Variants in ONECUT1 observed in about 807,000 individuals in gnomAD.
ONECUT1 encodes one cut homeobox 1.
In ONECUT1, 12 loss-of-function variants were observed where a neutral mutation model predicts 25.6. That is an observed-to-expected ratio of 0.47 (90% CI 0.30 to 0.76). The LOEUF (loss-of-function observed/expected upper bound fraction) is 0.76, where lower values mean the gene tolerates loss of function less well. ONECUT1 is among the 30% of genes least tolerant of loss of function. The pLI, the probability that ONECUT1 is intolerant of heterozygous loss-of-function variation, is 0.07. For synonymous variants in ONECUT1, 285 were observed against 270.2 expected, an observed-to-expected ratio of 1.05 and a Z score of -0.54; for missense variants, 620 against 651.2, an observed-to-expected ratio of 0.95 and a Z score of 0.52.
intron 1 of ONECUT1, among the ~76,000 whole-genome samples, chr15:52,775,315 A>G (rs2083792892): frequency 6.6e-6 from 1 of 152,134 alleles, no homozygotes; most frequent in Admixed American, 6.5e-5. Flanking sequence ...CATTACTCAG[A>G]TAATTGCACT....
intron 1 of ONECUT1, among the ~76,000 whole-genome samples, chr15:52,763,874 G>T (rs1354443056): frequency 6.6e-6 from 1 of 152,160 alleles, no homozygotes; most frequent in African/African-American, 2.4e-5. Context: ...TCAAATGTGT[G>T]ATTATTTCTC....
intron 1 of ONECUT1, among the ~76,000 whole-genome samples, chr15:52,782,438 T>C (rs2083847343): frequency 6.6e-6 from 1 of 152,200 alleles, no homozygotes; most frequent in South Asian, 2.1e-4. Flanking sequence ...TGATAGAAGG[T>C]AGGAATTTAT....
chr15:52,764,792 C>G (rs369071674), intron 1 of ONECUT1, among the ~76,000 whole-genome samples: 2 of 152,184 alleles, frequency 1.3e-5, no homozygotes, highest in African/African-American at 4.8e-5. Context: ...GATGTAGATG[C>G]TGAAAACTGC....
chr15:52,762,899 A>G (rs561946926), intron 1 of ONECUT1, among the ~76,000 whole-genome samples: 1 of 152,298 alleles, frequency 6.6e-6, no homozygotes, highest in African/African-American at 2.4e-5. Context: ...AATTGATTTC[A>G]GAGTAGAGAT....
chr15:52,775,970 G>T (rs1027299382), intron 1 of ONECUT1, among the ~76,000 whole-genome samples: 1 of 152,158 alleles, frequency 6.6e-6, no homozygotes, highest in East Asian at 1.9e-4. Flanking sequence ...CTAACAGCAG[G>T]GATGGATTTG....
intron 1 of ONECUT1, among the ~76,000 whole-genome samples, chr15:52,766,291 C>G (rs1376611638): frequency 6.7e-6 from 1 of 150,138 alleles, no homozygotes; most frequent in African/African-American, 2.5e-5. Flanking sequence ...AGCTTGCCTG[C>G]GGGCTGGTTA....
intron 1 of ONECUT1, among the ~76,000 whole-genome samples, chr15:52,778,557 G>T (rs1470946347): frequency 3.3e-5 from 5 of 152,228 alleles, no homozygotes; most frequent in African/African-American, 1.2e-4. Flanking sequence ...ACCAGTAGTG[G>T]CTAAGAGTTC....
chr15:52,774,073 G>A (rs187162950), intron 1 of ONECUT1, among the ~76,000 whole-genome samples: 4 of 149,576 alleles, frequency 2.7e-5, no homozygotes, highest in Admixed American at 1.3e-4. Flanking sequence ...AGTTTGAAAA[G>A]TTACAAAGTA....
intron 1 of ONECUT1, 59 bp from the exon 2 acceptor site, chr15:52,757,906 A>G: frequency 6.5e-7 from 1 of 1,533,200 alleles, no homozygotes; most frequent in African/African-American, 1.4e-5. Flanking sequence ...CATGAGTAGA[A>G]AGACAGAGCT....
chr15:52,777,697 AAC>A (rs369734028), intron 1 of ONECUT1, among the ~76,000 whole-genome samples: 1,809 of 121,736 alleles, frequency 0.015, 60 homozygotes, highest in South Asian at 0.08. Flanking sequence ...CTTCCTGGAA[AAC>A]ACACACACAC....
intron 1 of ONECUT1, among the ~76,000 whole-genome samples, chr15:52,765,342 G>A (rs1007966949): frequency 2.6e-5 from 4 of 152,204 alleles, no homozygotes; most frequent in African/African-American, 9.7e-5. Context: ...CAAGTTGTAA[G>A]AGCAGCGGCA....
chr15:52,762,627 G>A (rs1207976449), intron 1 of ONECUT1, among the ~76,000 whole-genome samples: 1 of 152,176 alleles, frequency 6.6e-6, no homozygotes, highest in African/African-American at 2.4e-5. Flanking sequence ...GGGCCTGGTT[G>A]TAAGGGCAGA....
At chr15:52,766,268 A>T (rs536030397) in intron 1 of ONECUT1, among the ~76,000 whole-genome samples, 1 of 149,214 alleles carries the variant, frequency 6.7e-6, no homozygotes, top group African/African-American at 2.5e-5. Flanking sequence ...AAACCCTGTC[A>T]GAGAGGTTAG....
chr15:52,770,534 C>T (rs76286033), intron 1 of ONECUT1, among the ~76,000 whole-genome samples: 4,077 of 152,146 alleles, frequency 0.027, 140 homozygotes, highest in East Asian at 0.12. Flanking sequence ...CTGAGAGTCC[C>T]GAGCGTGAAC....
In ONECUT1 at chr15:52,755,200, T is replaced by TAA. The variant is rs546815804; in HGVS notation, c.*2353_*2354dup. ...TTAGAATTATCACGTTTTAAATAAA[T>TAA]AAGGCTTTCCTCCCTCCTAAATTAT... is the stretch of plus-strand genomic sequence containing the variant. On this transcript the variant is annotated 3_prime_UTR_variant, in exon 2 of 2. Coordinates refer to ENST00000305901, the MANE Select transcript of ONECUT1 (RefSeq NM_004498.4). Among the ~76,000 whole-genome samples, 69 of 152,218 alleles carry TAA rather than the reference T, an allele frequency of 4.5e-4. No homozygotes were observed. The highest frequency in any genetic ancestry group is 1.6e-3 in the African/African-American group (65 of 41,536).
intron 1 of ONECUT1, among the ~76,000 whole-genome samples, chr15:52,777,719 C>T (rs539823142): frequency 1.8e-5 from 2 of 108,836 alleles, no homozygotes; most frequent in Admixed American, 1.6e-4. Context: ...CACACACACA[C>T]ACACACACAC....
At chr15:52,759,148 G>C (rs764939805) in intron 1 of ONECUT1, among the ~76,000 whole-genome samples, 1 of 152,172 alleles carries the variant, frequency 6.6e-6, no homozygotes, top group Non-Finnish European at 1.5e-5. Flanking sequence ...GTGATGGAGG[G>C]AGGGATTGCC....
In ONECUT1 at chr15:52,757,729, C is replaced by T. The variant is rs761223829; in HGVS notation, c.1224G>A (p.Lys408=). 1.2e-6 allele frequency: 2 copies of T among 1,614,142 alleles called. No individual in the cohort carries two copies. Among genetic ancestry groups the T allele is most frequent in the Non-Finnish European group, 1.7e-6 (2 of 1,180,020 alleles). Residue 408 remains lysine (K), a synonymous_variant, in exon 2 of 2, where the codon AAG becomes AAA. Coordinates refer to ENST00000305901, the MANE Select transcript of ONECUT1 (RefSeq NM_004498.4). ...RTLHAIFKEN[K]RPSKELQITI... ...TGATTTGCAATTCTTTGGATGGACG[C>T]TTATTTTCCTTGAATATTGCATGTA...
Position 52,788,816 on chromosome 15 carries a change from G to A in ONECUT1, c.1069C>T (p.Pro357Ser). ...AGCGCGGACATGCGCTGGAACTCCG[G>A]CTCCTGCAGCCACTTCCACATCCTC... ...FRRMWKWLQEPEFQRMSALRL... is the reference protein window; with the variant it reads ...FRRMWKWLQESEFQRMSALRL... The change falls in exon 1 of 2, where the codon CCG becomes TCG. Residue 357 changes from proline (P) to serine (S), a missense_variant. Physicochemically the swap from Pro to Ser is moderately conservative, Grantham distance 74 (BLOSUM62 -1). Coordinates refer to ENST00000305901, the MANE Select transcript of ONECUT1 (RefSeq NM_004498.4). This position sits in a 1 kb window ranked among gnomAD's most constrained non-coding sequence, Gnocchi z 4.3. 1.9e-6 allele frequency: 3 copies of A among 1,613,210 alleles called. No homozygotes were observed. The highest frequency in any genetic ancestry group is 2.5e-6 in the Non-Finnish European group (3 of 1,179,388).
Sources: allele counts gnomAD v4.1 joint callset (sites outside exome capture counted in the v4.1 genomes callset), GRCh38; gene constraint gnomAD v4.1.1; non-coding constraint Gnocchi (gnomAD v3.1); transcripts MANE v1.5; gene names NCBI Gene and HGNC (gene_info 2026-07-23, HGNC 2026-07-21).